The following MYO5B variants were observed in gnomAD, a reference collection of about 807,000 sequenced individuals.
The protein encoded by MYO5B is myosin VB, also known as unconventional myosin-Vb.
In MYO5B, 143 loss-of-function variants were observed where a neutral mutation model predicts 229.3. The observed-to-expected ratio is 0.62, with a 90% CI of 0.54 to 0.72. The LOEUF is 0.72. Ranked by LOEUF, MYO5B falls within the 30% of genes least tolerant of loss-of-function variation. The pLI is 0.00. For synonymous variants in MYO5B, 918 were observed against 885.2 expected (o/e 1.04, Z -0.66); for missense variants, 2,321 against 2,331.0 (o/e 1.00, Z 0.09).
intron 4 of MYO5B, among the ~76,000 whole-genome samples, chr18:50,018,785 GT>G (rs1485336991): frequency 2.0e-5 from 3 of 152,130 alleles, no homozygotes; most frequent in Non-Finnish European, 4.4e-5. Flanking sequence ...TTAACACACG[GT>G]TTTAGTGGGC....
At chr18:49,932,412 G>C (rs921311347) in intron 16 of MYO5B, among the ~76,000 whole-genome samples, 2 of 152,164 alleles carry the variant, frequency 1.3e-5, no homozygotes, top group Non-Finnish European at 2.9e-5. Context: ...CCTTAACATT[G>C]TTCCCTCTTC....
chr18:49,960,305 A>G (rs1216050455), intron 12 of MYO5B, among the ~76,000 whole-genome samples: 2 of 152,218 alleles, frequency 1.3e-5, no homozygotes, highest in Non-Finnish European at 2.9e-5. Context: ...CCTGCAAAGT[A>G]TCTGAGAGAC....
chr18:50,016,339 T>TA (rs1399232732), intron 4 of MYO5B, among the ~76,000 whole-genome samples: 1 of 152,234 alleles, frequency 6.6e-6, no homozygotes, highest in African/African-American at 2.4e-5. Flanking sequence ...TAATAAAACT[T>TA]AGAGTTTAAA....
intron 1 of MYO5B, among the ~76,000 whole-genome samples, chr18:50,153,024 T>C (rs1053067473): frequency 2.0e-5 from 3 of 152,184 alleles, no homozygotes; most frequent in African/African-American, 7.2e-5. Flanking sequence ...TTACTGCTGG[T>C]ATATTCATGC....
At chr18:49,997,228 T>C (rs545176757) in intron 5 of MYO5B, among the ~76,000 whole-genome samples, 3 of 141,554 alleles carry the variant, frequency 2.1e-5, no homozygotes, top group South Asian at 2.1e-4. Context: ...GTTCATGCCA[T>C]TGCACTTCCG....
At chr18:50,183,523 T>C (rs2033105830) in intron 1 of MYO5B, among the ~76,000 whole-genome samples, 1 of 151,642 alleles carries the variant, frequency 6.6e-6, no homozygotes. Flanking sequence ...CCTATTAAAG[T>C]GTCAAGCATG....
intron 29 of MYO5B, among the ~76,000 whole-genome samples, chr18:49,860,791 CAT>C (rs1289128686): frequency 1.3e-5 from 2 of 152,348 alleles, no homozygotes; most frequent in East Asian, 1.9e-4. Flanking sequence ...ACAAATCACA[CAT>C]GTGTAGATAT....
chr18:49,898,599 T>C (rs936440249), intron 21 of MYO5B, among the ~76,000 whole-genome samples: 6 of 152,098 alleles, frequency 3.9e-5, no homozygotes, highest in African/African-American at 1.4e-4. Context: ...TAGGATATGG[T>C]GAAGGATGTG....
At chr18:49,986,484 T>A (rs368525399) in intron 7 of MYO5B, among the ~76,000 whole-genome samples, 36 of 152,184 alleles carry the variant, frequency 2.4e-4, no homozygotes, top group African/African-American at 8.7e-4. Context: ...TGAGTGAAGG[T>A]TTCCTGGAGG....
chr18:50,091,026 C>T (rs149173155), intron 1 of MYO5B, among the ~76,000 whole-genome samples: 4 of 152,288 alleles, frequency 2.6e-5, no homozygotes, highest in South Asian at 2.1e-4. Flanking sequence ...AGTTGCTTAC[C>T]GGCAGGTATG....
At chr18:50,042,813 C>T (rs1443601221) in intron 2 of MYO5B, among the ~76,000 whole-genome samples, 4 of 152,116 alleles carry the variant, frequency 2.6e-5, no homozygotes, top group South Asian at 2.1e-4. Context: ...GCACAGGGAC[C>T]GCCAGGTGCA....
Position 49,864,289 on chromosome 18 carries a change from G to C in MYO5B, c.3695C>G (p.Ser1232Cys). 1 of 1,614,208 alleles carries C rather than the reference G, an allele frequency of 6.2e-7. No individual in the cohort carries two copies. The highest frequency in any genetic ancestry group is 8.5e-7 in the Non-Finnish European group (1 of 1,180,038). The change falls in exon 28 of 40, where the codon TCC becomes TGC. Residue 1232 changes from serine to cysteine, a missense_variant. Ser to Cys is a moderately radical substitution (Grantham distance 112, BLOSUM62 -1). Around this residue, in one of 2 missense-constraint regions of MYO5B, gnomAD observed 2,113 missense variants for 2,044.7 expected, o/e 1.03. Coordinates refer to ENST00000285039, the MANE Select transcript of MYO5B (RefSeq NM_001080467.3). Reference protein sequence around the residue: ...AVADQATQNNSSHGSPDSYSL... With the variant: ...AVADQATQNNCSHGSPDSYSL... ...GTAGCTATCTGGGGAGCCGTGGCTG[G>C]AGTTATTCTGCGTGGCTTGGTCGGC...
At chr18:49,834,504 G>T (rs7244102) in intron 39 of MYO5B, among the ~76,000 whole-genome samples, 8 of 152,096 alleles carry the variant, frequency 5.3e-5, no homozygotes, top group African/African-American at 1.4e-4. Flanking sequence ...AAGGTCAGGC[G>T]CTCAGCCATC....
intron 2 of MYO5B, among the ~76,000 whole-genome samples, chr18:50,042,767 C>G (rs2030059369): frequency 6.6e-6 from 1 of 152,198 alleles, no homozygotes; most frequent in African/African-American, 2.4e-5. Flanking sequence ...CACAGCTGCC[C>G]TCCTCTCCCG....
At chr18:49,902,871 A>T (rs1568024601) in intron 20 of MYO5B, 38 bp from the exon 21 acceptor site, 1 of 1,594,986 alleles carries the variant, frequency 6.3e-7, no homozygotes, top group Middle Eastern at 1.7e-4. Context: ...GTGGGTTTGC[A>T]CTGCAGGACA....
chr18:50,055,225 G>GGGCCCCCCCCCCCCCCCCCCCCCC, intron 2 of MYO5B, 43 bp downstream of exon 2: 1 of 700,376 alleles, frequency 1.4e-6, no homozygotes, highest in East Asian at 2.7e-5. Context: ...TGAGCTCCCT[G>GGGCCCCCCCCCCCCCCCCCCCCCC]CCCCACCTCA....
intron 4 of MYO5B, among the ~76,000 whole-genome samples, chr18:50,016,830 C>T (rs1358197122): frequency 6.6e-6 from 1 of 151,672 alleles, no homozygotes; most frequent in Non-Finnish European, 1.5e-5. Context: ...TTGCCCTAAA[C>T]CAACCCCCGA....
chr18:49,975,255 T>A (rs1372426632), intron 9 of MYO5B, among the ~76,000 whole-genome samples: 1 of 152,174 alleles, frequency 6.6e-6, no homozygotes, highest in Non-Finnish European at 1.5e-5. Context: ...TCGAAGGCAC[T>A]AGCCATGTTC....
intron 14 of MYO5B, among the ~76,000 whole-genome samples, chr18:49,945,632 A>C (rs2025363538): frequency 1.3e-5 from 2 of 152,124 alleles, no homozygotes; most frequent in African/African-American, 4.8e-5. Flanking sequence ...TCCAGTAGCC[A>C]CATGTTAAAG....
Sources: allele counts gnomAD v4.1 joint callset (sites outside exome capture counted in the v4.1 genomes callset), GRCh38; gene constraint gnomAD v4.1.1; regional missense constraint gnomAD v4.1.1; transcripts MANE v1.5; gene names NCBI Gene and HGNC (gene_info 2026-07-23, HGNC 2026-07-21).